Variants in TNKS2 observed in about 807,000 individuals in gnomAD.
The protein encoded by TNKS2 is poly [ADP-ribose] polymerase tankyrase-2.
A neutral mutation model predicts 137.6 loss-of-function variants in TNKS2; 72 were observed. The observed-to-expected ratio is 0.52, with a 90% CI of 0.43 to 0.64. The LOEUF is 0.64. TNKS2 is among the 30% of genes least tolerant of loss of function. The pLI, the probability that TNKS2 is intolerant of heterozygous loss-of-function variation, is 0.00. For missense variants in TNKS2, 1,049 were observed against 1,410.2 expected (o/e 0.74, Z 4.10); for synonymous variants, 516 against 512.1 (o/e 1.01, Z -0.10).
At position 91,810,807 on chromosome 10, in the gene TNKS2, C is replaced by G. The variant is rs538779701; in HGVS notation, c.200-2176C>G. On this transcript the variant is annotated intron_variant, in intron 1 of 26. Transcript: ENST00000371627. ...ACAGGCATGAGCCACCGCACCCAGC[C>G]AGCCTGACATACTCCTGATCTAGCA... Among the ~76,000 whole-genome samples, 264 of 151,720 alleles carry G rather than the reference C, an allele frequency of 1.7e-3. 1 individual carries two copies. Among genetic ancestry groups the G allele is most frequent in the Admixed American group, 5.0e-3 (76 of 15,252 alleles).
chr10:91,828,073 C>T lies in TNKS2; in HGVS notation c.983-212C>T, dbSNP rs932023153. On this transcript the variant is annotated intron_variant, in intron 8 of 26. Transcript: ENST00000371627. ...CTAAACCTGTGTATACTCTTGAGGC[C>T]ATATGTCTATACAGTTGCACCGTAA... Among the ~76,000 whole-genome samples, 3 of 152,244 alleles carry T rather than the reference C, an allele frequency of 2.0e-5. No homozygotes were observed. In the East Asian group the frequency reaches 5.8e-4, roughly 29 times the overall value.
In TNKS2 at chr10:91,836,911, T is replaced by A; in HGVS notation, c.1448-8T>A. 1.2e-6 allele frequency: 2 copies of A among 1,609,822 alleles called. No homozygotes were observed. Among genetic ancestry groups the A allele is most frequent in the Non-Finnish European group, 1.7e-6 (2 of 1,178,178 alleles). On this transcript the variant is annotated splice_polypyrimidine_tract_variant and splice_region_variant and intron_variant, in intron 12 of 26. Coordinates refer to ENST00000371627, the MANE Select transcript of TNKS2 (RefSeq NM_025235.4). ...TTAGTCACTCTTCTCTCTCTCTCTC[T>A]TTTTTAGAGGGTATCTCATTAGGTA...
At chr10:91,804,184 G>C (rs1199686437) in intron 1 of TNKS2, among the ~76,000 whole-genome samples, 1 of 151,928 alleles carries the variant, frequency 6.6e-6, no homozygotes, top group African/African-American at 2.4e-5. Context: ...TATTCTTTGT[G>C]AGGATCCTTT....
chr10:91,861,066 C>T (rs369660428), intron 25 of TNKS2, among the ~76,000 whole-genome samples: 4 of 152,218 alleles, frequency 2.6e-5, no homozygotes, highest in African/African-American at 9.6e-5. Flanking sequence ...TTGTTTGAAA[C>T]TAAGAAAGGC....
At chr10:91,835,286 T>C (rs1183179291) in intron 12 of TNKS2, among the ~76,000 whole-genome samples, 1 of 118,516 alleles carries the variant, frequency 8.4e-6, no homozygotes, top group Non-Finnish European at 1.8e-5. Flanking sequence ...CTTTTTTTTC[T>C]TTTTTTTTTT....
In TNKS2 at chr10:91,864,156, G is replaced by A. The variant is rs1191787026; in HGVS notation, c.*1157G>A. ...TCAGTCCCCTCCAGGCCTCCTGAAT[G>A]GGCAAGTGCAGTGAAACAGGTGCTT... On this transcript the variant is annotated 3_prime_UTR_variant, in exon 27 of 27. Coordinates refer to ENST00000371627, the MANE Select transcript of TNKS2 (RefSeq NM_025235.4). 6.6e-6 allele frequency: 1 copy of A among 152,572 alleles called. No homozygotes were observed. Among genetic ancestry groups the A allele is most frequent in the Non-Finnish European group, 1.5e-5 (1 of 68,038 alleles). The allele number at this position is 152,572 out of a possible 1,614,324, so 9.5% of individuals were successfully genotyped here.
At chr10:91,836,559 C>T in intron 12 of TNKS2, 1 of 844,472 alleles carries the variant, frequency 1.2e-6, no homozygotes, top group South Asian at 5.4e-5. Context: ...AATGACAGAA[C>T]CACAGTTAGA....
intron 2 of TNKS2, among the ~76,000 whole-genome samples, chr10:91,815,654 T>G (rs1019522795): frequency 3.9e-5 from 6 of 152,132 alleles, no homozygotes; most frequent in Non-Finnish European, 7.3e-5. Flanking sequence ...ATTGAATTTT[T>G]GGATGTATTA....
chr10:91,803,876 A>G (rs1167553668), intron 1 of TNKS2, among the ~76,000 whole-genome samples: 2 of 152,150 alleles, frequency 1.3e-5, no homozygotes, highest in Admixed American at 6.6e-5. Context: ...TATGGGACCA[A>G]TTGTGTTATC....
intron 1 of TNKS2, among the ~76,000 whole-genome samples, chr10:91,812,296 T>C (rs532564868): frequency 6.6e-6 from 1 of 152,304 alleles, no homozygotes; most frequent in East Asian, 1.9e-4. Context: ...AGACTTTTTT[T>C]GTTTTATTTG....
At chr10:91,812,947 G>A in intron 1 of TNKS2, 36 bp from the exon 2 acceptor site, 1 of 1,606,030 alleles carries the variant, frequency 6.2e-7, no homozygotes, top group South Asian at 1.1e-5. Flanking sequence ...TCTTTTCCTT[G>A]TTGAACTTAC....
At chr10:91,851,442 G>C in intron 21 of TNKS2, 106 bp downstream of exon 21, 1 of 1,273,552 alleles carries the variant, frequency 7.9e-7, no homozygotes, top group Non-Finnish European at 1.1e-6. Flanking sequence ...TGTTTAATAG[G>C]AAGAATACTA....
At chr10:91,806,756 C>G (rs76122205) in intron 1 of TNKS2, among the ~76,000 whole-genome samples, 27,514 of 152,140 alleles carry the variant, frequency 0.18, 3,566 homozygotes, top group African/African-American at 0.36. Context: ...TTGGTCACAA[C>G]AGCATACATT....
At position 91,831,954 on chromosome 10, in the gene TNKS2, C is replaced by T. The variant is rs1405315372; in HGVS notation, c.1275+773C>T. ...CTGTAGATGAAGGGAGAGGAATAGACGCTCTTCTCCTTGGATGGCCCCTGA... is the reference window on the plus strand; with the variant it reads ...CTGTAGATGAAGGGAGAGGAATAGATGCTCTTCTCCTTGGATGGCCCCTGA... On this transcript the variant is annotated intron_variant, in intron 11 of 26. Transcript: ENST00000371627. 5.3e-5 allele frequency among the ~76,000 whole-genome samples: 8 copies of T among 152,232 alleles called. No homozygotes were observed. The East Asian group carries it at 1.5e-3, about 29-fold the overall frequency.
chr10:91,849,511 G>A lies in TNKS2; in HGVS notation c.2612-1G>A, dbSNP rs767976082. 1.2e-6 allele frequency: 2 copies of A among 1,607,224 alleles called. No homozygotes were observed. Among genetic ancestry groups the A allele is most frequent in the South Asian group, 1.1e-5 (1 of 89,218 alleles). On this transcript the variant is annotated splice_acceptor_variant, in intron 19 of 26. Transcript: ENST00000371627. LOFTEE classifies it high-confidence loss of function. ...TTGTTTTGGATTTTTTTATTTCCCAGTTCCAGGAGTAGATTTTAGCATAAC... is the reference window on the plus strand; with the variant it reads ...TTGTTTTGGATTTTTTTATTTCCCAATTCCAGGAGTAGATTTTAGCATAAC...
chr10:91,860,608 C>A (rs1262051386), intron 25 of TNKS2, among the ~76,000 whole-genome samples: 1 of 152,214 alleles, frequency 6.6e-6, no homozygotes, highest in Non-Finnish European at 1.5e-5. Flanking sequence ...GTCCCACCCT[C>A]ACAGAATCTC....
At chr10:91,809,539 G>A (rs992533169) in intron 1 of TNKS2, among the ~76,000 whole-genome samples, 1 of 151,918 alleles carries the variant, frequency 6.6e-6, no homozygotes, top group Non-Finnish European at 1.5e-5. Flanking sequence ...GGTGGCGGGC[G>A]CCTGTAGTCC....
chr10:91,852,160 G>A (rs183638673), intron 21 of TNKS2, among the ~76,000 whole-genome samples: 2,450 of 151,796 alleles, frequency 0.016, 77 homozygotes, highest in African/African-American at 0.056. Flanking sequence ...CCCGGGAAGC[G>A]GAGCTTGCAG....
chr10:91,812,830 A>T, intron 1 of TNKS2, 153 bp from the exon 2 acceptor site: 1 of 982,366 alleles, frequency 1.0e-6, no homozygotes, highest in Non-Finnish European at 1.2e-6. Flanking sequence ...TTAGTTATTG[A>T]TATATTTCTG....
Sources: gnomAD v4.1 joint callset for allele counts (sites outside exome capture counted in the v4.1 genomes callset) on GRCh38, gnomAD v4.1.1 for gene constraint, MANE v1.5 for transcripts, NCBI Gene and HGNC (gene_info 2026-07-23, HGNC 2026-07-21) for gene names.